CTSS: variants seen among roughly 807,000 people sequenced by gnomAD.
CTSS encodes the protein cathepsin S.
In CTSS, 15 loss-of-function variants were observed where a neutral mutation model predicts 39.9. The ratio of observed to expected loss-of-function variants is 0.38; its 90% CI spans 0.25 to 0.58. CTSS has a LOEUF of 0.58. CTSS is among the 20% of genes least tolerant of loss of function. The pLI is 0.70. For missense variants in CTSS, 250 were observed against 398.2 expected (o/e 0.63, Z 3.17); for synonymous variants, 126 against 138.2 (o/e 0.91, Z 0.62).
intron 1 of CTSS, 58 bp from the exon 2 acceptor site, chr1:150,764,822 CAT>C (rs1391547699): frequency 8.0e-5 from 127 of 1,580,944 alleles, no homozygotes; most frequent in Non-Finnish European, 1.0e-4. Context: ...GTTGTGACCA[CAT>C]GTTTTCATAA....
At chr1:150,739,977 C>A (rs587722559) in intron 7 of CTSS, among the ~76,000 whole-genome samples, 1 of 152,328 alleles carries the variant, frequency 6.6e-6, no homozygotes, top group African/African-American at 2.4e-5. Context: ...TACACATGCA[C>A]CTGCCTGTTT....
chr1:150,752,918 A>T (rs1348357986), intron 4 of CTSS, among the ~76,000 whole-genome samples: 2 of 152,106 alleles, frequency 1.3e-5, no homozygotes, highest in African/African-American at 2.4e-5. Flanking sequence ...CAGTGGTGTG[A>T]TCATGGCTCA....
rs151001054 is a variant in CTSS at position 150,756,543 on chromosome 1, T to C, written c.249+1315A>G. Among the ~76,000 whole-genome samples, 1,342 of 152,248 alleles carry C rather than the reference T, an allele frequency of 8.8e-3. 17 individuals are homozygous for C. The highest frequency in any genetic ancestry group is 0.012 in the South Asian group (58 of 4,818). On this transcript the variant is annotated intron_variant, in intron 3 of 7. Coordinates refer to ENST00000368985, the MANE Select transcript of CTSS (RefSeq NM_004079.5). ...CAAGTGAGTAGTGTGTTGTGCTACA[T>C]TGTTATGGTGGCTACAACATCACTA...
chr1:150,733,670 T>C (rs1557807046), intron 7 of CTSS, among the ~76,000 whole-genome samples: 1 of 152,148 alleles, frequency 6.6e-6, no homozygotes, highest in East Asian at 1.9e-4. Context: ...TAATTAAAGC[T>C]ATTGAAAAAT....
intron 6 of CTSS, among the ~76,000 whole-genome samples, chr1:150,748,927 G>A (rs587600186): frequency 6.6e-6 from 1 of 152,104 alleles, no homozygotes. Context: ...TGTGATCAAT[G>A]ATCTTTGATG....
rs113776715 is a variant in CTSS at position 150,732,932 on chromosome 1, A to G, written c.*114T>C. 7.8e-5 allele frequency: 60 copies of G among 766,898 alleles called. No individual in the cohort carries two copies. The highest frequency in any genetic ancestry group is 7.2e-4 in the African/African-American group (41 of 56,636). 47.5% of individuals were successfully genotyped at this position (766,898 alleles called of 1,614,324 possible). A position where few individuals can be genotyped will look rare whatever the true frequency, so the allele number is the denominator to read the frequency against. ...CCTCAAACTATATTTTCTAATTAGTACAGTAAATACACATTAATCATGACA... is the reference window on the plus strand; with the variant it reads ...CCTCAAACTATATTTTCTAATTAGTGCAGTAAATACACATTAATCATGACA... On this transcript the variant is annotated 3_prime_UTR_variant, in exon 8 of 8. Coordinates refer to ENST00000368985, the MANE Select transcript of CTSS (RefSeq NM_004079.5).
intron 6 of CTSS, among the ~76,000 whole-genome samples, chr1:150,748,447 T>C (rs1453983990): frequency 1.3e-5 from 2 of 152,146 alleles, no homozygotes; most frequent in Non-Finnish European, 2.9e-5. Context: ...ACACCACCTT[T>C]TTCTAAGTTT....
intron 3 of CTSS, 59 bp from the exon 4 acceptor site, chr1:150,755,209 G>A: frequency 3.9e-6 from 6 of 1,555,838 alleles, no homozygotes; most frequent in Non-Finnish European, 4.4e-6. Context: ...TCTGAGAAAT[G>A]CATCGTTAGG....
At position 150,732,956 on chromosome 1, in the gene CTSS, C is replaced by T. The variant is rs1652555597; in HGVS notation, c.*90G>A. 6 of 924,032 alleles carry T rather than the reference C, an allele frequency of 6.5e-6. No homozygotes were observed. Among genetic ancestry groups the T allele is most frequent in the Non-Finnish European group, 1.0e-5 (6 of 589,876 alleles). The allele number at this position is 924,032 out of a possible 1,614,324, so 57.2% of individuals were successfully genotyped here. ...TACAGTAAATACACATTAATCATGA[C>T]ACAATTATTTCTTCTGGATACAGCA... On this transcript the variant is annotated 3_prime_UTR_variant, in exon 8 of 8. Coordinates refer to ENST00000368985, the MANE Select transcript of CTSS (RefSeq NM_004079.5).
chr1:150,751,684 GC>G, intron 5 of CTSS, 96 bp downstream of exon 5: 1 of 1,026,288 alleles, frequency 9.7e-7, no homozygotes, highest in South Asian at 1.4e-5. Context: ...ACACAATACT[GC>G]TTCTCAAGCA....
At chr1:150,743,502 T>G (rs1423743206) in intron 7 of CTSS, among the ~76,000 whole-genome samples, 1 of 139,464 alleles carries the variant, frequency 7.2e-6, no homozygotes, top group Non-Finnish European at 1.5e-5. Context: ...GGGAGATATA[T>G]ATATATATAT....
chr1:150,759,308 G>A (rs1653203023), intron 2 of CTSS, among the ~76,000 whole-genome samples: 1 of 152,056 alleles, frequency 6.6e-6, no homozygotes, highest in Non-Finnish European at 1.5e-5. Context: ...CTCAATCAGT[G>A]TCTCCACATA....
chr1:150,765,452 T>C (rs2101930327), intron 1 of CTSS, among the ~76,000 whole-genome samples: 2 of 152,316 alleles, frequency 1.3e-5, no homozygotes, highest in South Asian at 4.1e-4. Flanking sequence ...ATTGAAAACA[T>C]CTGGAATTTT....
intron 3 of CTSS, 118 bp from the exon 4 acceptor site, chr1:150,755,268 G>A: frequency 8.8e-7 from 1 of 1,135,636 alleles, no homozygotes; most frequent in Non-Finnish European, 1.3e-6. Context: ...CACAAACCTA[G>A]AGCGTATTGG....
chr1:150,733,175 A>C, intron 7 of CTSS, 30 bp from the exon 8 acceptor site: 1 of 1,490,406 alleles, frequency 6.7e-7, no homozygotes, highest in Non-Finnish European at 9.3e-7. Flanking sequence ...ACAAAATTAC[A>C]AATGCGTACA....
Position 150,754,981 on chromosome 1 carries a change from C to T in CTSS, c.399+20G>A. The T allele has an allele frequency of 6.2e-7, 1 of 1,609,764 alleles. No homozygotes were observed. Among genetic ancestry groups the T allele is most frequent in the Non-Finnish European group, 8.5e-7 (1 of 1,177,122 alleles). On this transcript the variant is annotated intron_variant, in intron 4 of 7. Coordinates refer to ENST00000368985, the MANE Select transcript of CTSS (RefSeq NM_004079.5). Reference sequence around the variant, plus strand: ...AAGAGCTCTACCTAGGGTTCAGAGGCTTGGGATGGTAATACTCACTTGATA... The same window carrying T: ...AAGAGCTCTACCTAGGGTTCAGAGGTTTGGGATGGTAATACTCACTTGATA...
At chr1:150,751,596 T>C (rs1235923218) in intron 5 of CTSS, among the ~76,000 whole-genome samples, 185 bp downstream of exon 5, 2 of 152,152 alleles carry the variant, frequency 1.3e-5, no homozygotes, top group African/African-American at 4.8e-5. Flanking sequence ...TTTGTACTAC[T>C]GATATATTAA....
chr1:150,747,472 G>C (rs1188527832), intron 7 of CTSS, among the ~76,000 whole-genome samples: 2 of 152,146 alleles, frequency 1.3e-5, no homozygotes, highest in Non-Finnish European at 2.9e-5. Flanking sequence ...AGATGATAGA[G>C]CCCTGGGGAA....
chr1:150,730,681 C>G lies in CTSS; in HGVS notation c.*2365G>C, dbSNP rs587608073. ...CCTGAACCCCGTCACTAACCTCTAA[C>G]TGAAAGTTAGGATTTTCTTCAATTC... On this transcript the variant is annotated 3_prime_UTR_variant, in exon 8 of 8. Transcript: ENST00000368985. 1 of 152,330 alleles carries G rather than the reference C, an allele frequency of 6.6e-6. No homozygotes were observed. Among genetic ancestry groups the G allele is most frequent in the Non-Finnish European group, 1.5e-5 (1 of 68,030 alleles). 9.4% of individuals were successfully genotyped at this position (152,330 alleles called of 1,614,324 possible).
Sources: gnomAD v4.1 joint callset for allele counts (sites outside exome capture counted in the v4.1 genomes callset) on GRCh38, gnomAD v4.1.1 for gene constraint, MANE v1.5 for transcripts, NCBI Gene and HGNC (gene_info 2026-07-23, HGNC 2026-07-21) for gene names.